The following ZNF185 variants were observed in gnomAD, a reference collection of about 807,000 sequenced individuals.
ZNF185 encodes zinc finger protein 185.
Under a neutral mutation model 58.6 loss-of-function variants are expected in ZNF185, and 56 were observed. The observed-to-expected ratio is 0.95, with a 90% CI of 0.77 to 1.19. ZNF185 has a LOEUF of 1.19. ZNF185 is among the 50% of genes most tolerant of loss of function. The pLI is 0.00. For missense variants in ZNF185, 627 were observed against 573.5 expected (o/e 1.09, Z -0.95); for synonymous variants, 230 against 215.9 (o/e 1.07, Z -0.57).
chrX:152,921,759 C>A (rs982255523), intron 9 of ZNF185, among the ~76,000 whole-genome samples: 4 of 110,822 alleles, frequency 3.6e-5, no homozygotes, highest in African/African-American at 1.3e-4. Flanking sequence ...TGGTGTTCCT[C>A]GGCTTGTACC....
chrX:152,939,776 G>GTTTTTTTTTTTTTTT (rs57118182), intron 15 of ZNF185, among the ~76,000 whole-genome samples: 1 of 49,829 alleles, frequency 2.0e-5, no homozygotes. Context: ...AATCAGAGGT[G>GTTTTTTTTTTTTTTT]TTTTTTTTTT....
At chrX:152,922,173 G>T in exon 10 of ZNF185, 1 of 1,193,432 alleles carries the variant, frequency 8.4e-7, no homozygotes, top group South Asian at 1.8e-5. Flanking sequence ...TTGCTCAAAG[G>T]GTGGAGGTGG....
Position 152,929,529 on chromosome X carries a change from A to G in ZNF185, c.917+868A>G, listed in dbSNP as rs781821383. On this transcript the variant is annotated intron_variant, in intron 12 of 22. Transcript: ENST00000449285. ...CTTCCTGGAGGAATTGACATCCAAG[A>G]TGAGTCCTGAGCGATCTCTAGGTCC... Among the ~76,000 whole-genome samples, 13 of 111,460 alleles carry G rather than the reference A, an allele frequency of 1.2e-4. No homozygotes were observed. The East Asian group carries it at 1.4e-3, about 12-fold the overall frequency.
intron 4 of ZNF185, 43 bp downstream of exon 5, chrX:152,917,212 AC>A: frequency 8.3e-7 from 1 of 1,210,485 alleles, no homozygotes; most frequent in Non-Finnish European, 1.1e-6. Flanking sequence ...GTGCCCACTC[AC>A]GCCAAGCCCT....
At chrX:152,902,425 T>C in the ZNF185 span, among the ~76,000 whole-genome samples, 1 of 113,194 alleles carries the variant, frequency 8.8e-6, no homozygotes, top group East Asian at 2.8e-4. Flanking sequence ...AGCACAAGGA[T>C]TTTAATCACA....
rs1938071705 is a variant in ZNF185, at chrX:152,914,879, C to A, written c.158+46C>A. The A allele has an allele frequency of 6.1e-6, 7 of 1,156,996 alleles. 1 individual carries two copies. In the Admixed American group the frequency reaches 1.0e-4, roughly 17 times the overall value. On this transcript the variant is annotated intron_variant, in intron 2 of 22. Coordinates refer to ENST00000449285, the Ensembl canonical transcript of ZNF185. ...GGGACCGCAGCAACGTGGGGGCGCG[C>A]AATCCGTGGGGGACCGACCATACCT...
chrX:152,961,407 G>A (rs1235061951), intron 17 of ZNF185, among the ~76,000 whole-genome samples: 2 of 112,202 alleles, frequency 1.8e-5, no homozygotes, highest in Non-Finnish European at 3.8e-5. Flanking sequence ...GTTTCCCTCT[G>A]GTCCTTTTCT....
intron 11 of ZNF185, among the ~76,000 whole-genome samples, chrX:152,923,734 G>A (rs1313309298): frequency 1.8e-5 from 2 of 111,691 alleles, no homozygotes; most frequent in Non-Finnish European, 3.8e-5. Context: ...AATACGGTTC[G>A]CGCTCTCATG....
chrX:152,967,237 A>G lies in ZNF185; in HGVS notation c.1870A>G (p.Arg624Gly), dbSNP rs781981763. The G allele has an allele frequency of 1.1e-5, 13 of 1,209,384 alleles. No homozygotes were observed. The South Asian group carries it at 2.1e-4, about 20-fold the overall frequency. The change falls in exon 20 of 23, where the codon AGG becomes GGG. Residue 624 changes from arginine (R) to glycine (G), a missense_variant and splice_region_variant. Coordinates refer to ENST00000449285, the Ensembl canonical transcript of ZNF185. Reference sequence around the variant, plus strand: ...ATGTGGCAGCACTCCATACTCTGAGAGGTATGTTGACTTTCTTAGCACGGA... The same window carrying G: ...ATGTGGCAGCACTCCATACTCTGAGGGGTATGTTGACTTTCTTAGCACGGA...
intron 14 of ZNF185, among the ~76,000 whole-genome samples, chrX:152,935,684 C>A (rs1164240092): frequency 3.6e-5 from 4 of 112,511 alleles, no homozygotes; most frequent in Non-Finnish European, 7.5e-5. Flanking sequence ...AGGGGCCTTT[C>A]CTTGGATCTG....
At chrX:152,963,274 C>G (rs1342440141) in intron 17 of ZNF185, among the ~76,000 whole-genome samples, 5 of 113,189 alleles carry the variant, frequency 4.4e-5, no homozygotes, top group African/African-American at 6.4e-5. Context: ...AGGGCCATAT[C>G]TGGCAGCTGA....
chrX:152,940,193 T>C (rs782437447), intron 15 of ZNF185, among the ~76,000 whole-genome samples: 18 of 110,934 alleles, frequency 1.6e-4, no homozygotes, highest in Admixed American at 6.7e-4. Flanking sequence ...TGTAAAATAT[T>C]TGAAGAAATT....
In ZNF185 at chrX:152,918,903, G is replaced by A. The variant is rs145918374; in HGVS notation, c.432-80G>A. On this transcript the variant is annotated intron_variant, in intron 6 of 22. Coordinates refer to ENST00000449285, the Ensembl canonical transcript of ZNF185. ...AAAGGCAGAGATATTGACTTGCCTCGTCATTGTTGTTGAAAGCCAGGAAGC... is the reference window on the plus strand; with the variant it reads ...AAAGGCAGAGATATTGACTTGCCTCATCATTGTTGTTGAAAGCCAGGAAGC... 8.3e-4 allele frequency: 602 copies of A among 723,605 alleles called. 9 individuals are homozygous for A. In the East Asian group the frequency reaches 0.015, roughly 19 times the overall value. 59.6% of individuals were successfully genotyped at this position (723,605 alleles called of 1,213,427 possible). A position where few individuals can be genotyped will look rare whatever the true frequency, so the allele number is the denominator to read the frequency against.
intron 20 of ZNF185, among the ~76,000 whole-genome samples, chrX:152,968,945 G>C (rs782484742): frequency 1.8e-5 from 2 of 111,616 alleles, no homozygotes; most frequent in Non-Finnish European, 3.8e-5. Context: ...CAGGGGCAGA[G>C]CTCAGTTGGC....
At chrX:152,960,166 C>T (rs1180566052) in intron 17 of ZNF185, among the ~76,000 whole-genome samples, 1 of 112,025 alleles carries the variant, frequency 8.9e-6, no homozygotes, top group Non-Finnish European at 1.9e-5. Context: ...CCAGTTCGAA[C>T]CTGGAAACCT....
chrX:152,937,953 C>G (rs1375193424), intron 14 of ZNF185, 121 bp from the exon 17 acceptor site: 2 of 628,901 alleles, frequency 3.2e-6, no homozygotes, highest in Non-Finnish European at 4.9e-6. Flanking sequence ...ACTGAGACAC[C>G]AGCCTTTACT....
intron 11 of ZNF185, among the ~76,000 whole-genome samples, chrX:152,926,307 C>A (rs146559471): frequency 0.021 from 2,387 of 112,685 alleles, 64 homozygotes; most frequent in African/African-American, 0.071. Flanking sequence ...TAAATGAGAT[C>A]GTGCACCTGA....
chrX:152,964,946 C>G (rs2049959439), intron 18 of ZNF185, among the ~76,000 whole-genome samples: 3 of 111,581 alleles, frequency 2.7e-5, no homozygotes, highest in Non-Finnish European at 3.8e-5. Context: ...CCTCTGGACT[C>G]TAGGAGTGAG....
intron 16 of ZNF185, among the ~76,000 whole-genome samples, chrX:152,955,622 G>C (rs1353250840): frequency 8.9e-6 from 1 of 112,654 alleles, no homozygotes; most frequent in Admixed American, 9.3e-5. Flanking sequence ...AATTCCCCTT[G>C]GCTGGGCGTG....
Sources: allele counts gnomAD v4.1 joint callset (sites outside exome capture counted in the v4.1 genomes callset), GRCh38; gene constraint gnomAD v4.1.1; transcripts MANE v1.5; gene names NCBI Gene and HGNC (gene_info 2026-07-23, HGNC 2026-07-21).